Variants in SPAST observed in about 807,000 individuals in gnomAD.
The protein encoded by SPAST is spastic paraplegia 4 (autosomal dominant; spastin).
Under a neutral mutation model 76.6 loss-of-function variants are expected in SPAST, and 30 were observed. The observed-to-expected ratio is 0.39, with a 90% CI of 0.29 to 0.53. SPAST has a LOEUF of 0.53. Among genes scored for constraint, SPAST ranks in the 20% least tolerant of loss-of-function variants. The pLI is 0.68. For missense variants in SPAST, 717 were observed against 770.5 expected, an observed-to-expected ratio of 0.93 and a Z score of 0.82; for synonymous variants, 305 against 281.0, an observed-to-expected ratio of 1.09 and a Z score of -0.86.
chr2:32,081,781 C>CAAA (rs34078147), intron 1 of SPAST, among the ~76,000 whole-genome samples: 82 of 44,382 alleles, frequency 1.8e-3, no homozygotes, highest in Non-Finnish European at 2.8e-3. Flanking sequence ...GAGACACTGT[C>CAAA]AAAAAAAAAA....
At position 32,083,748 on chromosome 2, in the gene SPAST, TACTATATATA is replaced by T. The variant is rs1558620094; in HGVS notation, c.416-3743_416-3734del. Among the ~76,000 whole-genome samples the T allele has an allele frequency of 7.3e-4, 42 of 57,822 alleles. 1 individual carries two copies. The highest frequency in any genetic ancestry group is 2.4e-3 in the African/African-American group (37 of 15,104). 37.9% of individuals were successfully genotyped at this position (57,822 alleles called of 152,430 possible). ...TATATATACTATATATATTTATATA[TACTATATATA>T]TATATATATATATATATATTTTTTT... On this transcript the variant is annotated intron_variant, in intron 1 of 16. Coordinates refer to ENST00000315285, the MANE Select transcript of SPAST (RefSeq NM_014946.4).
chr2:32,118,929 A>G (rs1008170105), intron 7 of SPAST, among the ~76,000 whole-genome samples: 2 of 152,324 alleles, frequency 1.3e-5, no homozygotes, highest in East Asian at 3.9e-4. Flanking sequence ...TAACATGTGA[A>G]TTTGAATTTA....
intron 16 of SPAST, among the ~76,000 whole-genome samples, chr2:32,149,988 T>A (rs968476113): frequency 2.0e-5 from 3 of 152,068 alleles, no homozygotes; most frequent in African/African-American, 7.2e-5. Context: ...TTTGTTTTTT[T>A]TTTTCAGGCT....
intron 1 of SPAST, among the ~76,000 whole-genome samples, chr2:32,081,533 A>G (rs1677221479): frequency 6.6e-6 from 1 of 151,888 alleles, no homozygotes; most frequent in South Asian, 2.1e-4. Flanking sequence ...TATTTTCTCC[A>G]CCACTTTCAG....
intron 16 of SPAST, among the ~76,000 whole-genome samples, chr2:32,148,261 T>C (rs985074415): frequency 6.6e-6 from 1 of 152,160 alleles, no homozygotes; most frequent in Non-Finnish European, 1.5e-5. Context: ...AAATTAACTT[T>C]GCTTCATTTC....
At chr2:32,083,712 CTATA>C (rs1398644661) in intron 1 of SPAST, among the ~76,000 whole-genome samples, 2 of 72,350 alleles carry the variant, frequency 2.8e-5, no homozygotes, top group African/African-American at 1.0e-4. Flanking sequence ...TATTTTTATA[CTATA>C]TATATTTATA....
chr2:32,087,623 C>T (rs752797478), intron 2 of SPAST, 45 bp downstream of exon 2: 2 of 865,406 alleles, frequency 2.3e-6, no homozygotes, highest in Non-Finnish European at 3.7e-6. Context: ...ATGATATATT[C>T]ACATGATTGT....
chr2:32,100,247 T>C (rs1159472496), intron 4 of SPAST, among the ~76,000 whole-genome samples: 1 of 152,048 alleles, frequency 6.6e-6, no homozygotes, highest in African/African-American at 2.4e-5. Context: ...GATTTGCATT[T>C]CCCTCATAAT....
rs1048095623 is a variant in SPAST, at chr2:32,085,203, TTC to T, written c.416-2287_416-2286del. On this transcript the variant is annotated intron_variant, in intron 1 of 16. Coordinates refer to ENST00000315285, the MANE Select transcript of SPAST (RefSeq NM_014946.4). ...TCTTAATAATTTCTTTTTCTTCTTC[TTC>T]TTTTTTTTTTTTTTTTTTTGAGTCA... 3.2e-4 allele frequency among the ~76,000 whole-genome samples: 41 copies of T among 126,738 alleles called. No homozygotes were observed. In the East Asian group the frequency reaches 8.3e-3, roughly 26 times the overall value. 83.1% of individuals were successfully genotyped at this position (126,738 alleles called of 152,430 possible).
chr2:32,073,331 C>T (rs1314658633), intron 1 of SPAST, among the ~76,000 whole-genome samples: 4 of 152,152 alleles, frequency 2.6e-5, no homozygotes, highest in African/African-American at 4.8e-5. Flanking sequence ...CTGCACCTGG[C>T]TGGATATTGA....
Position 32,110,064 on chromosome 2 carries a change from A to G in SPAST, c.683-4574A>G, listed in dbSNP as rs959273776. On this transcript the variant is annotated intron_variant, in intron 4 of 16. Coordinates refer to ENST00000315285, the MANE Select transcript of SPAST (RefSeq NM_014946.4). ...ATAAACTATATGTATACAGTTATAT[A>G]TGTATTTGTATATGTGTGTATACAT... Among the ~76,000 whole-genome samples, 6 of 147,274 alleles carry G rather than the reference A, an allele frequency of 4.1e-5. 1 individual carries two copies. The highest frequency in any genetic ancestry group is 3.4e-4 in the Admixed American group (5 of 14,716).
chr2:32,104,902 A>C (rs1678260196), intron 4 of SPAST, among the ~76,000 whole-genome samples: 2 of 152,030 alleles, frequency 1.3e-5, no homozygotes, highest in Admixed American at 6.5e-5. Context: ...CTACATTTCA[A>C]CTTTGGTGAA....
At chr2:32,139,256 A>AT (rs749973377) in intron 12 of SPAST, among the ~76,000 whole-genome samples, 3 of 152,168 alleles carry the variant, frequency 2.0e-5, no homozygotes, top group Non-Finnish European at 4.4e-5. Context: ...CAGTATAGTC[A>AT]TTTTACGACC....
In SPAST at chr2:32,089,572, T is replaced by A; in HGVS notation, c.553T>A (p.Leu185Met). Residue 185 changes from leucine (L) to methionine (M), a missense_variant, in exon 3 of 17, where the codon TTG becomes ATG. This residue lies in a region of SPAST where 543 missense variants were observed against 445.2 expected (regional missense o/e 1.22). Transcript: ENST00000315285. Reference sequence around the variant, plus strand: ...CCTTCAAGCTAAAATGATGACTAATTTGGTTATGGCCAAGGACCGCTTACA... The same window carrying A: ...CCTTCAAGCTAAAATGATGACTAATATGGTTATGGCCAAGGACCGCTTACA... ...RRLQAKMMTNLVMAKDRLQLL... is the reference protein window; with the variant it reads ...RRLQAKMMTNMVMAKDRLQLL... The A allele has an allele frequency of 1.2e-6, 2 of 1,605,480 alleles. No individual in the cohort carries two copies. Among genetic ancestry groups the A allele is most frequent in the Non-Finnish European group, 1.7e-6 (2 of 1,172,332 alleles).
At chr2:32,139,058 CT>C (rs1679632293) in intron 12 of SPAST, among the ~76,000 whole-genome samples, 1 of 152,114 alleles carries the variant, frequency 6.6e-6, no homozygotes, top group East Asian at 1.9e-4. Flanking sequence ...GTTTGGGCTG[CT>C]GTGTAGTTCG....
At position 32,154,586 on chromosome 2, in the gene SPAST, A is replaced by G. The variant is rs1384176040; in HGVS notation, c.*90A>G. 2.2e-6 allele frequency: 3 copies of G among 1,355,048 alleles called. No individual in the cohort carries two copies. The highest frequency in any genetic ancestry group is 2.3e-5 in the East Asian group (1 of 43,382). 83.9% of individuals were successfully genotyped at this position (1,355,048 alleles called of 1,614,324 possible). A position where few individuals can be genotyped will look rare whatever the true frequency, so the allele number is the denominator to read the frequency against. On this transcript the variant is annotated 3_prime_UTR_variant, in exon 17 of 17. Coordinates refer to ENST00000315285, the MANE Select transcript of SPAST (RefSeq NM_014946.4). ...ACGTCATCGGCTACAGAAACAGCCT[A>G]AGTTTACAGGACTTTTTAGAGTCTT...
rs1400112982 is a variant in SPAST at position 32,143,434 on chromosome 2, G to C, written c.1616+19G>C. The C allele has an allele frequency of 6.9e-7, 1 of 1,458,336 alleles. No homozygotes were observed. The highest frequency in any genetic ancestry group is 1.7e-5 in the Admixed American group (1 of 59,318). The allele number at this position is 1,458,336 out of a possible 1,614,324, so 90.3% of individuals were successfully genotyped here. On this transcript the variant is annotated intron_variant, in intron 14 of 16. Transcript: ENST00000315285. ...TTGCTAGGTGAGTAATTTGGATTTG[G>C]TTTATCTTACAGCTTTTATTTATTT...
chr2:32,085,594 C>G (rs1677443539), intron 1 of SPAST, among the ~76,000 whole-genome samples: 1 of 152,086 alleles, frequency 6.6e-6, no homozygotes, highest in South Asian at 2.1e-4. Context: ...GTATATAATA[C>G]TGATAATTCT....
chr2:32,143,487 TTAAAG>T (rs1157437744), intron 14 of SPAST, 72 bp downstream of exon 14: 4 of 932,764 alleles, frequency 4.3e-6, no homozygotes, highest in Non-Finnish European at 6.7e-6. Context: ...TTTTAGTTAT[TTAAAG>T]TAATCTTAAG....
Sources: allele counts gnomAD v4.1 joint callset (sites outside exome capture counted in the v4.1 genomes callset), GRCh38; gene constraint gnomAD v4.1.1; regional missense constraint gnomAD v4.1.1; transcripts MANE v1.5; gene names NCBI Gene and HGNC (gene_info 2026-07-23, HGNC 2026-07-21).